The following SASS6 variants were observed in gnomAD, a reference collection of about 807,000 sequenced individuals.
SASS6 encodes SAS-6 centriolar assembly protein, also known as spindle assembly abnormal protein 6 homolog.
SASS6 carries 59 observed loss-of-function variants against 94.9 expected under a neutral mutation model. The ratio of observed to expected loss-of-function variants is 0.62; its 90% CI spans 0.50 to 0.77. The LOEUF is 0.77. SASS6 is among the 30% of genes least tolerant of loss of function. The pLI is 0.00. For synonymous variants in SASS6, 264 were observed against 270.0 expected (o/e 0.98, Z 0.22); for missense variants, 698 against 734.1 (o/e 0.95, Z 0.57).
chr1:100,122,293 C>T (rs1004564513), intron 4 of SASS6, 87 bp downstream of exon 4: 26 of 610,878 alleles, frequency 4.3e-5, no homozygotes, highest in Middle Eastern at 3.4e-4. Flanking sequence ...TCATAATAAA[C>T]GGAAAAGATT....
intron 15 of SASS6, 70 bp downstream of exon 15, chr1:100,088,069 C>A: frequency 1.3e-6 from 1 of 770,432 alleles, no homozygotes; most frequent in South Asian, 1.5e-5. Flanking sequence ...AGCTCTCAAG[C>A]ACTGATAAAA....
At position 100,107,687 on chromosome 1, in the gene SASS6, G is replaced by C; in HGVS notation, c.1087C>G (p.Gln363Glu). The stretch of plus-strand genomic sequence containing the variant: ...GCTTCAAGCTTTCCTAGTTGTACTT[G>C]ATTTTTCTCACCATTTTCTTCTAAA... ...VVLEENGEKN[Q>E]VQLGKLEATI... The change falls in exon 10 of 17, where the codon CAA (glutamine) becomes GAA (glutamate). Residue 363 changes from glutamine to glutamate, a missense_variant. Gln to Glu is a conservative substitution (Grantham distance 29). Coordinates refer to ENST00000287482, the MANE Select transcript of SASS6 (RefSeq NM_194292.3). The C allele has an allele frequency of 6.2e-7, 1 of 1,604,778 alleles. No homozygotes were observed. Among genetic ancestry groups the C allele is most frequent in the Non-Finnish European group, 8.5e-7 (1 of 1,174,638 alleles).
chr1:100,128,904 C>G (rs564813912), intron 1 of SASS6, among the ~76,000 whole-genome samples: 2 of 152,200 alleles, frequency 1.3e-5, no homozygotes, highest in Admixed American at 6.5e-5. Flanking sequence ...GTACTTTAAG[C>G]CAGGTATTGT....
intron 14 of SASS6, among the ~76,000 whole-genome samples, chr1:100,098,768 T>A (rs1440361260): frequency 1.3e-5 from 2 of 152,214 alleles, no homozygotes; most frequent in African/African-American, 4.8e-5. Flanking sequence ...CAAAAACTTA[T>A]ATTCTGATAC....
At chr1:100,102,619 A>G (rs779027128) in intron 14 of SASS6, among the ~76,000 whole-genome samples, 1 of 149,424 alleles carries the variant, frequency 6.7e-6, no homozygotes, top group Non-Finnish European at 1.5e-5. Flanking sequence ...CAGAGGCTGC[A>G]GTGAGCTGAG....
At chr1:100,123,381 G>C in intron 2 of SASS6, 92 bp from the exon 3 acceptor site, 1 of 626,614 alleles carries the variant, frequency 1.6e-6, no homozygotes, top group South Asian at 1.9e-5. Flanking sequence ...AACAACATCA[G>C]TGTATCATAG....
intron 7 of SASS6, among the ~76,000 whole-genome samples, chr1:100,114,332 G>A (rs978286010): frequency 6.6e-6 from 1 of 151,736 alleles, no homozygotes; most frequent in South Asian, 2.1e-4. Flanking sequence ...TGCAATAAGC[G>A]AACTATGATG....
chr1:100,090,653 C>T (rs111475615), intron 14 of SASS6, among the ~76,000 whole-genome samples: 1 of 152,100 alleles, frequency 6.6e-6, no homozygotes, highest in Admixed American at 6.5e-5. Context: ...GGGGAAACAT[C>T]TTCCCTACTT....
chr1:100,110,452 T>G lies in SASS6; in HGVS notation c.701A>C (p.Gln234Pro). 1 of 1,609,520 alleles carries G rather than the reference T, an allele frequency of 6.2e-7. No individual in the cohort carries two copies. Among genetic ancestry groups the G allele is most frequent in the Non-Finnish European group, 8.5e-7 (1 of 1,177,488 alleles). The change falls in exon 8 of 17, where the codon CAA (glutamine) becomes CCA (proline). Residue 234 changes from glutamine to proline, a missense_variant. Coordinates refer to ENST00000287482, the MANE Select transcript of SASS6 (RefSeq NM_194292.3). ...GAGGATTTCTAAATCTTTTTTCTGT[T>G]GTTCATGCTGCTGTTGATATTGAAC... ...AQVQYQQQHE[Q>P]QKKDLEILHQ...
In SASS6 at chr1:100,121,332, A is replaced by G. The variant is rs368180516; in HGVS notation, c.483+46T>C. ...TCTCTTCAATAATTTATCAAAGACC[A>G]TTGATACTTATTTTGTTAAAAGAAT... On this transcript the variant is annotated intron_variant, in intron 5 of 16. Transcript: ENST00000287482. 4.1e-5 allele frequency: 46 copies of G among 1,129,502 alleles called. 1 individual carries two copies. Among genetic ancestry groups the G allele is most frequent in the Non-Finnish European group, 5.3e-5 (42 of 785,562 alleles). The allele number at this position is 1,129,502 out of a possible 1,614,324, so 70.0% of individuals were successfully genotyped here. A position where few individuals can be genotyped will look rare whatever the true frequency, so the allele number is the denominator to read the frequency against.
At chr1:100,106,780 A>C (rs1652941296) in intron 12 of SASS6, 132 bp downstream of exon 12, 1 of 556,668 alleles carries the variant, frequency 1.8e-6, no homozygotes, top group East Asian at 3.4e-5. Context: ...CTTGAACCAA[A>C]GTGGTGGAGG....
intron 7 of SASS6, among the ~76,000 whole-genome samples, chr1:100,113,779 A>G (rs1237843483): frequency 2.0e-5 from 3 of 152,168 alleles, no homozygotes; most frequent in Non-Finnish European, 4.4e-5. Flanking sequence ...GCGTTAAACA[A>G]AACAAATTAA....
chr1:100,086,340 A>G (rs1371812413), intron 15 of SASS6, among the ~76,000 whole-genome samples: 1 of 152,046 alleles, frequency 6.6e-6, no homozygotes, highest in Non-Finnish European at 1.5e-5. Context: ...TTTTTTCTTT[A>G]AAGTTTGATA....
At chr1:100,108,037 T>A (rs774922821) in intron 8 of SASS6, 33 bp from the exon 9 acceptor site, 5 of 1,367,138 alleles carry the variant, frequency 3.7e-6, no homozygotes, top group Admixed American at 2.2e-5. Flanking sequence ...TTAAGCATTA[T>A]GAAAAAAGGA....
intron 1 of SASS6, among the ~76,000 whole-genome samples, chr1:100,132,320 C>T (rs1655113674): frequency 6.6e-6 from 1 of 152,036 alleles, no homozygotes; most frequent in South Asian, 2.1e-4. Context: ...ACTTTACTGC[C>T]AACATACTTC....
intron 14 of SASS6, among the ~76,000 whole-genome samples, chr1:100,089,766 G>C (rs1651552450): frequency 6.6e-6 from 1 of 151,926 alleles, no homozygotes; most frequent in South Asian, 2.1e-4. Context: ...AGTTATTGAG[G>C]AGAAAGGAAA....
intron 14 of SASS6, among the ~76,000 whole-genome samples, chr1:100,090,703 G>C (rs1294144969): frequency 6.6e-6 from 1 of 151,990 alleles, no homozygotes; most frequent in Non-Finnish European, 1.5e-5. Context: ...ATAACAGATG[G>C]AGATACAATT....
At chr1:100,110,233 A>G in intron 8 of SASS6, 59 bp downstream of exon 8, 1 of 1,081,854 alleles carries the variant, frequency 9.2e-7, no homozygotes, top group Non-Finnish European at 1.3e-6. Flanking sequence ...ACCACATTAA[A>G]ATAACCAAAT....
chr1:100,122,306 G>T, intron 4 of SASS6, 74 bp downstream of exon 4: 1 of 659,976 alleles, frequency 1.5e-6, no homozygotes, highest in Non-Finnish European at 2.7e-6. Flanking sequence ...AAAAGATTTT[G>T]CCATCAACTT....
Sources: gnomAD v4.1 joint callset for allele counts (sites outside exome capture counted in the v4.1 genomes callset) on GRCh38, gnomAD v4.1.1 for gene constraint, MANE v1.5 for transcripts, NCBI Gene and HGNC (gene_info 2026-07-23, HGNC 2026-07-21) for gene names.